XXYLT1: variants seen among roughly 807,000 people sequenced by gnomAD.
The protein encoded by XXYLT1 is xyloside xylosyltransferase 1, also known as UDP-xylose:alpha-xyloside alpha-1,3-xylosyltransferase.
Under a neutral mutation model 28.9 loss-of-function variants are expected in XXYLT1, and 20 were observed. The ratio of observed to expected loss-of-function variants is 0.69; its 90% CI spans 0.49 to 1.00. The LOEUF is 1.00. Ranked by LOEUF, XXYLT1 falls within the 50% of genes least tolerant of loss-of-function variation. The pLI, the probability that XXYLT1 is intolerant of heterozygous loss-of-function variation, is 0.00. For synonymous variants in XXYLT1, 257 were observed against 253.8 expected, an observed-to-expected ratio of 1.01 and a Z score of -0.12; for missense variants, 542 against 560.1, an observed-to-expected ratio of 0.97 and a Z score of 0.33.
At chr3:195,125,493 G>T (rs540547220) in intron 3 of XXYLT1, among the ~76,000 whole-genome samples, 1 of 152,322 alleles carries the variant, frequency 6.6e-6, no homozygotes, top group Non-Finnish European at 1.5e-5. Flanking sequence ...CAGGATATGA[G>T]CTCACAAGCC....
At position 195,270,896 on chromosome 3, in the gene XXYLT1, G is replaced by T; in HGVS notation, c.163C>A (p.Leu55Met). The T allele has an allele frequency of 6.8e-7, 1 of 1,471,926 alleles. No individual in the cohort carries two copies. The allele number at this position is 1,471,926 out of a possible 1,614,324, so 91.2% of individuals were successfully genotyped here. A position where few individuals can be genotyped will look rare whatever the true frequency, so the allele number is the denominator to read the frequency against. Residue 55 changes from leucine to methionine, a missense_variant, in exon 1 of 4, where the codon CTG (leucine) becomes ATG (methionine). Leu to Met is a conservative substitution (Grantham distance 15). Coordinates refer to ENST00000310380, the MANE Select transcript of XXYLT1 (RefSeq NM_152531.5). ...GGAGCCCCGGCGCGGGCCTCCTTCA[G>T]CCTCTTGGTGGCGCTGGAGAAGGTC... ...RETFSSATKR[L>M]KEARAGAPAA...
chr3:195,189,046 T>C (rs1005767651), intron 2 of XXYLT1, among the ~76,000 whole-genome samples: 24 of 152,254 alleles, frequency 1.6e-4, no homozygotes, highest in African/African-American at 5.8e-4. Flanking sequence ...GCACTTACTA[T>C]GTGCCAGTCC....
rs538970200 is a variant in XXYLT1 at position 195,176,788 on chromosome 3, C to T, written c.653-20207G>A. ...CAATATGAAAAGCTCAGTAAGAAGA[C>T]GCAAAAGTCACAGTTCCCATGGTAA... is the stretch of plus-strand genomic sequence containing the variant. On this transcript the variant is annotated intron_variant, in intron 2 of 3. Coordinates refer to ENST00000310380, the MANE Select transcript of XXYLT1 (RefSeq NM_152531.5). This position sits in a 1 kb window ranked among gnomAD's most constrained non-coding sequence, Gnocchi z 4.9. Among the ~76,000 whole-genome samples the T allele has an allele frequency of 5.3e-5, 8 of 152,328 alleles. No individual in the cohort carries two copies. The East Asian group carries it at 7.7e-4, about 15-fold the overall frequency.
chr3:195,231,319 A>G (rs1198092122), intron 1 of XXYLT1, among the ~76,000 whole-genome samples: 1 of 152,090 alleles, frequency 6.6e-6, no homozygotes, highest in Non-Finnish European at 1.5e-5. Flanking sequence ...ATAGGAGGTC[A>G]TATCATCTGC....
At chr3:195,111,471 A>AGG (rs1398223438) in intron 3 of XXYLT1, among the ~76,000 whole-genome samples, 3 of 152,006 alleles carry the variant, frequency 2.0e-5, no homozygotes, top group Admixed American at 2.0e-4. Context: ...GGTGGCGGAG[A>AGG]GGGTCTGGCT....
In XXYLT1 at chr3:195,247,821, G is replaced by T. The variant is rs545875160; in HGVS notation, c.505-20965C>A. On this transcript the variant is annotated intron_variant, in intron 1 of 3. Transcript: ENST00000310380. The stretch of plus-strand genomic sequence containing the variant: ...CAGGAAACACACAATCACGGCGGAA[G>T]GGACACATCTCACCATAGTGCAGCA... The T allele has an allele frequency of 8.3e-5, 58 of 702,760 alleles. No homozygotes were observed. The African/African-American group carries it at 8.5e-4, about 10-fold the overall frequency. 43.5% of individuals were successfully genotyped at this position (702,760 alleles called of 1,614,324 possible). A position where few individuals can be genotyped will look rare whatever the true frequency, so the allele number is the denominator to read the frequency against.
intron 3 of XXYLT1, among the ~76,000 whole-genome samples, chr3:195,151,433 G>C (rs939862417): frequency 6.6e-6 from 1 of 152,074 alleles, no homozygotes; most frequent in Non-Finnish European, 1.5e-5. Context: ...GGGAGGCTGA[G>C]GCAGGAGAAC....
At chr3:195,228,777 C>T (rs1254951221) in intron 1 of XXYLT1, among the ~76,000 whole-genome samples, 1 of 151,882 alleles carries the variant, frequency 6.6e-6, no homozygotes, top group South Asian at 2.1e-4. Flanking sequence ...CATGATCCAC[C>T]ACACCCGGCC....
chr3:195,248,801 T>C (rs1246198358), intron 1 of XXYLT1, among the ~76,000 whole-genome samples: 2 of 152,036 alleles, frequency 1.3e-5, no homozygotes, highest in Non-Finnish European at 2.9e-5. Context: ...GCACCTGTAA[T>C]CCCAGCTACT....
chr3:195,268,387 C>G (rs1725907289), intron 1 of XXYLT1, among the ~76,000 whole-genome samples: 2 of 150,914 alleles, frequency 1.3e-5, no homozygotes, highest in Non-Finnish European at 2.9e-5. Flanking sequence ...GCCGAGATCA[C>G]ACTGTTGCAC....
intron 2 of XXYLT1, among the ~76,000 whole-genome samples, chr3:195,215,950 A>G (rs1267707676): frequency 4.5e-4 from 69 of 152,220 alleles, no homozygotes; most frequent in Non-Finnish European, 8.2e-4. Context: ...AATGTAAAAG[A>G]ACAGAAATTA....
intron 2 of XXYLT1, among the ~76,000 whole-genome samples, chr3:195,205,280 T>C (rs1254621049): frequency 6.6e-6 from 1 of 152,208 alleles, no homozygotes; most frequent in Non-Finnish European, 1.5e-5. Flanking sequence ...TGTCCTTAAA[T>C]GGATGGTTAA....
At chr3:195,226,658 G>T in intron 2 of XXYLT1, 51 bp downstream of exon 2, 2 of 1,588,240 alleles carry the variant, frequency 1.3e-6, no homozygotes, top group East Asian at 2.2e-5. Context: ...CAGGGAAATG[G>T]ATGCAAAAGT....
intron 2 of XXYLT1, among the ~76,000 whole-genome samples, chr3:195,223,630 A>G (rs1427690871): frequency 6.6e-6 from 1 of 152,218 alleles, no homozygotes. Context: ...GACAAACTCA[A>G]GACAGCACGA....
chr3:195,252,560 T>C (rs1725298704), intron 1 of XXYLT1, among the ~76,000 whole-genome samples: 1 of 152,020 alleles, frequency 6.6e-6, no homozygotes, highest in Admixed American at 6.6e-5. Flanking sequence ...GAGTGGGCAC[T>C]GAGGAGCAGC....
At chr3:195,072,086 C>T (rs1220785649) in intron 3 of XXYLT1, among the ~76,000 whole-genome samples, 1 of 152,152 alleles carries the variant, frequency 6.6e-6, no homozygotes, top group African/African-American at 2.4e-5. Flanking sequence ...CTTGTGTCCA[C>T]AGGACCTCAC....
intron 2 of XXYLT1, among the ~76,000 whole-genome samples, chr3:195,175,272 G>A (rs533141681): frequency 2.0e-5 from 3 of 152,224 alleles, no homozygotes; most frequent in Non-Finnish European, 4.4e-5. Context: ...AACAAGAGAG[G>A]CTCTTCTACA....
At chr3:195,110,842 T>TGTTGTGTACG (rs1223287611) in intron 3 of XXYLT1, among the ~76,000 whole-genome samples, 1 of 6,870 alleles carries the variant, frequency 1.5e-4, no homozygotes, top group African/African-American at 2.3e-4. Context: ...GTGTGGTGTG[T>TGTTGTGTACG]TGTGTGTGTT....
intron 3 of XXYLT1, chr3:195,154,014 G>T (rs1334193115): frequency 6.6e-6 from 1 of 152,348 alleles, no homozygotes; most frequent in Non-Finnish European, 1.5e-5. Flanking sequence ...GGGGAACAAA[G>T]GCCCCAAGGT....
Sources: allele counts gnomAD v4.1 joint callset (sites outside exome capture counted in the v4.1 genomes callset), GRCh38; gene constraint gnomAD v4.1.1; non-coding constraint Gnocchi (gnomAD v3.1); transcripts MANE v1.5; gene names NCBI Gene and HGNC (gene_info 2026-07-23, HGNC 2026-07-21).